The following CACNA2D3 variants were observed in gnomAD, a reference collection of about 807,000 sequenced individuals.
CACNA2D3 encodes voltage-dependent calcium channel subunit alpha-2/delta-3.
In CACNA2D3, 60 loss-of-function variants were observed where a neutral mutation model predicts 160.6. The ratio of observed to expected loss-of-function variants is 0.37; its 90% CI spans 0.30 to 0.46. The LOEUF (loss-of-function observed/expected upper bound fraction) is 0.46, where lower values mean the gene tolerates loss of function less well. Ranked by LOEUF, CACNA2D3 falls within the 20% of genes least tolerant of loss-of-function variation. CACNA2D3 has a pLI of 1.00. For missense variants in CACNA2D3, 1,205 were observed against 1,365.0 expected, an observed-to-expected ratio of 0.88 and a Z score of 1.85; for synonymous variants, 558 against 492.9, an observed-to-expected ratio of 1.13 and a Z score of -1.75.
chr3:54,186,368 T>A (rs1476038454), intron 2 of CACNA2D3, among the ~76,000 whole-genome samples: 4 of 152,066 alleles, frequency 2.6e-5, no homozygotes, highest in African/African-American at 7.2e-5. Flanking sequence ...GAATTCCACA[T>A]CCTCCCAAGA....
rs530785338 is a variant in CACNA2D3 at position 54,228,828 on chromosome 3, T to C, written c.205-91614T>C. 7.2e-4 allele frequency among the ~76,000 whole-genome samples: 110 copies of C among 152,352 alleles called. 1 individual carries two copies. The highest frequency in any genetic ancestry group is 2.5e-3 in the African/African-American group (106 of 41,590). Reference sequence around the variant, plus strand: ...AAGCATGGAGTCTGGGTTTTCAATTTGGGCTTCAGACATGCCAGAGCGACA... The same window carrying C: ...AAGCATGGAGTCTGGGTTTTCAATTCGGGCTTCAGACATGCCAGAGCGACA... On this transcript the variant is annotated intron_variant, in intron 2 of 37. Coordinates refer to ENST00000474759, the MANE Select transcript of CACNA2D3 (RefSeq NM_018398.3).
intron 5 of CACNA2D3, among the ~76,000 whole-genome samples, chr3:54,518,464 T>A (rs1232351193): frequency 6.9e-6 from 1 of 145,752 alleles, no homozygotes; most frequent in Non-Finnish European, 1.5e-5. Flanking sequence ...CGAGATGGGG[T>A]CACACAGAGT....
intron 9 of CACNA2D3, among the ~76,000 whole-genome samples, chr3:54,598,581 A>G (rs1267771435): frequency 2.0e-5 from 3 of 152,174 alleles, no homozygotes; most frequent in Admixed American, 2.0e-4. Context: ...GTATCAGAAC[A>G]AGCCTTTCCC....
At chr3:54,993,011 G>C (rs559813299) in intron 31 of CACNA2D3, among the ~76,000 whole-genome samples, 2 of 152,090 alleles carry the variant, frequency 1.3e-5, no homozygotes, top group Non-Finnish European at 2.9e-5. Context: ...ACGAGATCTC[G>C]TGAGCACTCA....
At chr3:54,670,318 G>A (rs1284760661) in intron 11 of CACNA2D3, among the ~76,000 whole-genome samples, 1 of 152,196 alleles carries the variant, frequency 6.6e-6, no homozygotes, top group Non-Finnish European at 1.5e-5. Context: ...TGCTGGCAAG[G>A]CGTTTCCTCC....
intron 11 of CACNA2D3, among the ~76,000 whole-genome samples, chr3:54,644,534 A>G (rs566938487): frequency 1.7e-3 from 261 of 152,346 alleles, no homozygotes; most frequent in African/African-American, 5.8e-3. Flanking sequence ...CTGAGCAGTC[A>G]TCTTTCTCCA....
intron 2 of CACNA2D3, among the ~76,000 whole-genome samples, chr3:54,188,390 T>C (rs1401366120): frequency 6.6e-6 from 1 of 152,220 alleles, no homozygotes; most frequent in Non-Finnish European, 1.5e-5. Flanking sequence ...CTTCAGGACC[T>C]GTAAATCCTT....
At chr3:54,527,219 C>T (rs987781876) in intron 5 of CACNA2D3, among the ~76,000 whole-genome samples, 1 of 152,168 alleles carries the variant, frequency 6.6e-6, no homozygotes, top group East Asian at 1.9e-4. Context: ...TCTATCAGTC[C>T]CTTCCCAATT....
chr3:54,631,235 C>CAA (rs958690702), intron 10 of CACNA2D3, among the ~76,000 whole-genome samples: 1 of 151,120 alleles, frequency 6.6e-6, no homozygotes, highest in Non-Finnish European at 1.5e-5. Context: ...CACACACACA[C>CAA]AAAGATAAAT....
chr3:54,481,095 T>C (rs1241150484), intron 4 of CACNA2D3, among the ~76,000 whole-genome samples: 1 of 152,138 alleles, frequency 6.6e-6, no homozygotes, highest in African/African-American at 2.4e-5. Flanking sequence ...TCCATGGAGA[T>C]GGACTGACTG....
Position 54,259,772 on chromosome 3 carries a change from A to G in CACNA2D3, c.205-60670A>G, listed in dbSNP as rs118148649. On this transcript the variant is annotated intron_variant, in intron 2 of 37. Transcript: ENST00000474759. ...AAAATTAAACGTCCATTTAGTTGAA[A>G]CAGAAGCCTGCCAATGCATTTATGT... Among the ~76,000 whole-genome samples the G allele has an allele frequency of 4.0e-3, 610 of 152,330 alleles. 20 individuals carry two copies. The East Asian group carries it at 0.073, about 18-fold the overall frequency.
In CACNA2D3 at chr3:54,941,341, G is replaced by C. The variant is rs572967993; in HGVS notation, c.2450-27109G>C. Among the ~76,000 whole-genome samples, 6 of 152,254 alleles carry C rather than the reference G, an allele frequency of 3.9e-5. No homozygotes were observed. In the South Asian group the frequency reaches 8.3e-4, roughly 21 times the overall value. ...TAATATGACTGAATTAAATGAAAAA[G>C]AATCTCAGTTATGAAGTAAGCCCCC... is the stretch of plus-strand genomic sequence containing the variant. On this transcript the variant is annotated intron_variant, in intron 27 of 37. Coordinates refer to ENST00000474759, the MANE Select transcript of CACNA2D3 (RefSeq NM_018398.3).
At chr3:54,860,702 T>C (rs563506784) in intron 17 of CACNA2D3, among the ~76,000 whole-genome samples, 1 of 152,302 alleles carries the variant, frequency 6.6e-6, no homozygotes, top group African/African-American at 2.4e-5. Flanking sequence ...AAGTAGGCAC[T>C]GGGCAGTGAT....
intron 2 of CACNA2D3, among the ~76,000 whole-genome samples, chr3:54,278,517 C>CT (rs1486853177): frequency 1.3e-5 from 2 of 152,294 alleles, no homozygotes; most frequent in African/African-American, 4.8e-5. Context: ...AATCATTCTA[C>CT]TGTAAAGATG....
chr3:54,534,276 TAA>T (rs1701851940), intron 5 of CACNA2D3, among the ~76,000 whole-genome samples: 1 of 152,232 alleles, frequency 6.6e-6, no homozygotes, highest in African/African-American at 2.4e-5. Flanking sequence ...CTTCTTTTGT[TAA>T]AATTTTTAAA....
At chr3:54,519,034 C>T (rs115047682) in intron 5 of CACNA2D3, among the ~76,000 whole-genome samples, 23 of 149,938 alleles carry the variant, frequency 1.5e-4, no homozygotes, top group African/African-American at 5.6e-4. Context: ...CACCTGCACA[C>T]GGAAGTCATG....
intron 4 of CACNA2D3, among the ~76,000 whole-genome samples, chr3:54,465,724 T>G (rs1304995790): frequency 6.6e-6 from 1 of 152,222 alleles, no homozygotes. Context: ...TACTTTTGCA[T>G]CAACCTAGAG....
intron 2 of CACNA2D3, among the ~76,000 whole-genome samples, chr3:54,275,727 C>T (rs372101229): frequency 5.3e-5 from 8 of 152,168 alleles, no homozygotes; most frequent in East Asian, 1.9e-4. Flanking sequence ...AAGCAGTTCT[C>T]GTGCCTCAGC....
chr3:54,556,640 C>T (rs758185789), intron 5 of CACNA2D3, among the ~76,000 whole-genome samples: 3 of 152,194 alleles, frequency 2.0e-5, no homozygotes, highest in Non-Finnish European at 4.4e-5. Context: ...AGTCAAGGCT[C>T]AGATAAATCT....
Sources: allele counts gnomAD v4.1 joint callset (sites outside exome capture counted in the v4.1 genomes callset), GRCh38; gene constraint gnomAD v4.1.1; transcripts MANE v1.5; gene names NCBI Gene and HGNC (gene_info 2026-07-23, HGNC 2026-07-21).